NR4A3: variants seen among roughly 807,000 people sequenced by gnomAD.
NR4A3 encodes the protein nuclear receptor subfamily 4 group A member 3.
NR4A3 carries 13 observed loss-of-function variants against 55.6 expected under a neutral mutation model. The ratio of observed to expected loss-of-function variants is 0.23; its 90% confidence interval spans 0.15 to 0.37. The LOEUF (loss-of-function observed/expected upper bound fraction) is 0.37. Among genes scored for constraint, NR4A3 ranks in the 10% least tolerant of loss-of-function variants. The pLI is 1.00. For missense variants in NR4A3, 646 were observed against 822.8 expected, an observed-to-expected ratio of 0.79 and a Z score of 2.63; for synonymous variants, 342 against 357.9, an observed-to-expected ratio of 0.96 and a Z score of 0.50.
chr9:99,857,755 CAAATAAATAAATAAAT>C (rs71370972), intron 7 of NR4A3, among the ~76,000 whole-genome samples: 36 of 141,366 alleles, frequency 2.5e-4, no homozygotes, highest in Admixed American at 1.7e-3. Context: ...CTCTGTCTCA[CAAATAAATAAATAAAT>C]AAATAAATAA....
chr9:99,843,230 A>G (rs1227537590), intron 5 of NR4A3, among the ~76,000 whole-genome samples: 1 of 152,234 alleles, frequency 6.6e-6, no homozygotes, highest in African/African-American at 2.4e-5. Flanking sequence ...TCAGTGATGG[A>G]AATGTTCTAT....
intron 5 of NR4A3, among the ~76,000 whole-genome samples, chr9:99,841,786 T>C (rs1056942784): frequency 6.6e-6 from 1 of 151,294 alleles, no homozygotes; most frequent in African/African-American, 2.4e-5. Flanking sequence ...GCCTAGGCAA[T>C]ATAGAGACAC....
intron 7 of NR4A3, among the ~76,000 whole-genome samples, chr9:99,851,954 A>G (rs939598915): frequency 1.3e-5 from 2 of 152,218 alleles, no homozygotes; most frequent in Non-Finnish European, 2.9e-5. Flanking sequence ...TTGGGATGCA[A>G]AGATGAGCCA....
chr9:99,839,727 A>G (rs921637286), intron 5 of NR4A3, among the ~76,000 whole-genome samples: 12 of 152,264 alleles, frequency 7.9e-5, no homozygotes, highest in Non-Finnish European at 1.5e-5. Context: ...TGACAGATCA[A>G]TAACCCCTAT....
At position 99,822,977 on chromosome 9, in the gene NR4A3, G is replaced by C. The variant is rs1156612667; in HGVS notation, c.-177+570G>C. Among the ~76,000 whole-genome samples, 1 of 152,220 alleles carries C rather than the reference G, an allele frequency of 6.6e-6. No individual in the cohort carries two copies. The highest frequency in any genetic ancestry group is 1.5e-5 in the Non-Finnish European group (1 of 68,046). ...GACGCACTCGGAGGACCTCAGGAAA[G>C]AGGGCGTAATTGTAGGAATGTGGCT... On this transcript the variant is annotated intron_variant, in intron 1 of 7. Coordinates refer to ENST00000395097, the MANE Select transcript of NR4A3 (RefSeq NM_006981.4). The surrounding 1 kb of genome is among the most constrained non-coding windows in gnomAD (Gnocchi z 4.9).
intron 7 of NR4A3, among the ~76,000 whole-genome samples, chr9:99,855,537 T>TA (rs773543045): frequency 6.6e-6 from 1 of 152,212 alleles, no homozygotes; most frequent in Non-Finnish European, 1.5e-5. Flanking sequence ...GTGGTCTCAC[T>TA]GGAGAGAGAG....
intron 2 of NR4A3, among the ~76,000 whole-genome samples, chr9:99,827,690 C>G (rs147348305): frequency 6.6e-6 from 1 of 152,180 alleles, no homozygotes; most frequent in African/African-American, 2.4e-5. Context: ...AGCTGAGGAG[C>G]CCACTCCAAT....
At chr9:99,846,549 A>G (rs1452991807) in intron 6 of NR4A3, among the ~76,000 whole-genome samples, 2 of 152,210 alleles carry the variant, frequency 1.3e-5, no homozygotes, top group African/African-American at 4.8e-5. Context: ...TGCAGCCCCA[A>G]TGTTAAAAGC....
Position 99,828,995 on chromosome 9 carries a change from T to G in NR4A3, c.951+2T>G. The G allele has an allele frequency of 7.4e-7, 1 of 1,349,370 alleles. No individual in the cohort carries two copies. The allele number at this position is 1,349,370 out of a possible 1,614,324, so 83.6% of individuals were successfully genotyped here. ...GAGGGCTGCAAGGGCTTTTTCAAGG[T>G]GAGCGCACGCCGCCCCCTCCCCTCC... On this transcript the variant is annotated splice_donor_variant, in intron 3 of 7. Coordinates refer to ENST00000395097, the MANE Select transcript of NR4A3 (RefSeq NM_006981.4). LOFTEE classifies it high-confidence loss of function. The surrounding 1 kb of genome is among the most constrained non-coding windows in gnomAD (Gnocchi z 7.7).
chr9:99,866,251 A>C lies in NR4A3; in HGVS notation c.*2384A>C, dbSNP rs1254516018. 4.5e-6 allele frequency: 1 copy of C among 220,456 alleles called. No homozygotes were observed. Among genetic ancestry groups the C allele is most frequent in the African/African-American group, 2.2e-5 (1 of 44,676 alleles). The allele number at this position is 220,456 out of a possible 1,614,324, so 13.7% of individuals were successfully genotyped here. A position where few individuals can be genotyped will look rare whatever the true frequency, so the allele number is the denominator to read the frequency against. On this transcript the variant is annotated 3_prime_UTR_variant, in exon 8 of 8. Transcript: ENST00000395097. ...AATAAATTAGAAATACTGTGCATAC[A>C]TAACCTTCTTGTGCACCATGAGTAT...
chr9:99,841,997 T>A (rs1256193300), intron 5 of NR4A3, among the ~76,000 whole-genome samples: 1 of 151,692 alleles, frequency 6.6e-6, no homozygotes, highest in Non-Finnish European at 1.5e-5. Context: ...GAGGAAGGTA[T>A]CCCCATTTTA....
At chr9:99,823,190 C>A (rs1204983852) in intron 1 of NR4A3, among the ~76,000 whole-genome samples, 1 of 152,028 alleles carries the variant, frequency 6.6e-6, no homozygotes, top group African/African-American at 2.4e-5. Context: ...TGCTTTTTCA[C>A]GGACAGAACT....
At chr9:99,832,071 G>C (rs1827455151) in intron 3 of NR4A3, among the ~76,000 whole-genome samples, 1 of 151,956 alleles carries the variant, frequency 6.6e-6, no homozygotes. Context: ...CTACTTTTAA[G>C]ATTTTGCTTT....
chr9:99,841,456 A>G (rs1194062732), intron 5 of NR4A3, among the ~76,000 whole-genome samples: 1 of 152,218 alleles, frequency 6.6e-6, no homozygotes, highest in African/African-American at 2.4e-5. Flanking sequence ...CTGAAAATCA[A>G]AAACTTTCTA....
At chr9:99,862,504 C>T (rs1488292227) in intron 7 of NR4A3, among the ~76,000 whole-genome samples, 3 of 135,270 alleles carry the variant, frequency 2.2e-5, no homozygotes, top group Non-Finnish European at 4.6e-5. Context: ...GAGCCAAGAT[C>T]GCACCACTGC....
chr9:99,847,966 G>A (rs1327637832), intron 7 of NR4A3, among the ~76,000 whole-genome samples: 1 of 152,220 alleles, frequency 6.6e-6, no homozygotes, highest in Non-Finnish European at 1.5e-5. Context: ...GAGCAGTGGT[G>A]TGATCATGGC....
intron 3 of NR4A3, among the ~76,000 whole-genome samples, chr9:99,831,615 A>G (rs534077366): frequency 2.0e-5 from 3 of 152,276 alleles, no homozygotes; most frequent in Non-Finnish European, 4.4e-5. Context: ...ACCTGGATTT[A>G]TTTTCTTTTT....
chr9:99,828,022 C>A lies in NR4A3; in HGVS notation c.-2-19C>A, dbSNP rs776188081. On this transcript the variant is annotated intron_variant, in intron 2 of 7. Transcript: ENST00000395097. This position sits in a 1 kb window ranked among gnomAD's most constrained non-coding sequence, Gnocchi z 7.7. Reference sequence around the variant, plus strand: ...AGTGTTAACTTGCTTCTGAGAGACCCTTTTCTCTGTCCCTGCAGATATGCC... The same window carrying A: ...AGTGTTAACTTGCTTCTGAGAGACCATTTTCTCTGTCCCTGCAGATATGCC... 73 of 1,598,884 alleles carry A rather than the reference C, an allele frequency of 4.6e-5. No homozygotes were observed. In the Middle Eastern group the frequency reaches 3.2e-3, roughly 69 times the overall value.
intron 5 of NR4A3, among the ~76,000 whole-genome samples, chr9:99,839,490 T>A (rs1177068989): frequency 6.6e-6 from 1 of 152,216 alleles, no homozygotes; most frequent in Non-Finnish European, 1.5e-5. Context: ...TCACTTAATT[T>A]CCACACAAAT....
Sources: allele counts gnomAD v4.1 joint callset (sites outside exome capture counted in the v4.1 genomes callset), GRCh38; gene constraint gnomAD v4.1.1; non-coding constraint Gnocchi (gnomAD v3.1); transcripts MANE v1.5; gene names NCBI Gene and HGNC (gene_info 2026-07-23, HGNC 2026-07-21).